The following PHF8 variants were observed in gnomAD, a reference collection of about 807,000 sequenced individuals.
PHF8 encodes PHD finger protein 8.
PHF8 carries 9 observed loss-of-function variants against 74.4 expected under a neutral mutation model. That is an observed-to-expected ratio of 0.12 (90% CI 0.07 to 0.21). PHF8 has a LOEUF of 0.21. PHF8 is among the 10% of genes least tolerant of loss of function. The pLI, the probability that PHF8 is intolerant of heterozygous loss-of-function variation, is 1.00. For synonymous variants in PHF8, 311 were observed against 316.6 expected, an observed-to-expected ratio of 0.98 and a Z score of 0.19; for missense variants, 478 against 816.6, an observed-to-expected ratio of 0.59 and a Z score of 5.05.
chrX:53,993,015 TGTGGTTG>T (rs1166061341), intron 13 of PHF8, 176 bp from the exon 14 acceptor site: 1 of 466,619 alleles, frequency 2.1e-6, no homozygotes, highest in East Asian at 3.8e-5. Flanking sequence ...GTTGAAAATG[TGTGGTTG>T]GTTCAGGGGA....
At chrX:54,016,493 C>CAAAAA in intron 6 of PHF8, 102 bp downstream of exon 6, 1 of 599,924 alleles carries the variant, frequency 1.7e-6, no homozygotes, top group South Asian at 2.5e-5. Context: ...GACTCTGTCT[C>CAAAAA]AAAAAAAAAA....
chrX:54,015,304 C>T (rs1459495842), intron 6 of PHF8, among the ~76,000 whole-genome samples: 1 of 111,123 alleles, frequency 9.0e-6, no homozygotes, highest in African/African-American at 3.3e-5. Flanking sequence ...GCGCCGGGCG[C>T]GGTGGCTCAC....
chrX:54,025,821 C>T (rs1477448708), intron 2 of PHF8, among the ~76,000 whole-genome samples: 1 of 111,156 alleles, frequency 9.0e-6, no homozygotes, highest in African/African-American at 3.3e-5. Flanking sequence ...ACTCTTTATC[C>T]TCATACTTTT....
At chrX:53,979,441 G>C (rs1051552896) in intron 18 of PHF8, among the ~76,000 whole-genome samples, 1 of 111,815 alleles carries the variant, frequency 8.9e-6, no homozygotes, top group Admixed American at 9.5e-5. Context: ...AAAGCAGATT[G>C]AAAATACATC....
chrX:53,967,201 C>T (rs1469242681), intron 18 of PHF8, among the ~76,000 whole-genome samples: 5 of 106,266 alleles, frequency 4.7e-5, no homozygotes, highest in Non-Finnish European at 9.8e-5. Flanking sequence ...CGCCTCTGCC[C>T]GGCCGCCCCT....
intron 18 of PHF8, among the ~76,000 whole-genome samples, chrX:53,968,123 A>AT (rs1315525151): frequency 1.2e-4 from 13 of 109,162 alleles, no homozygotes; most frequent in African/African-American, 4.4e-4. Context: ...AAAAATAAAA[A>AT]TTAAAAAAAA....
chrX:53,975,963 T>C (rs1401248713), intron 18 of PHF8, among the ~76,000 whole-genome samples: 1 of 111,120 alleles, frequency 9.0e-6, no homozygotes, highest in Non-Finnish European at 1.9e-5. Context: ...AAATATCACA[T>C]GTAACCCCAA....
chrX:53,981,400 G>A (rs1452428890), intron 18 of PHF8, among the ~76,000 whole-genome samples: 1 of 111,817 alleles, frequency 8.9e-6, no homozygotes, highest in Admixed American at 9.5e-5. Context: ...AATCACACAA[G>A]TTTGCCTACC....
At chrX:53,996,210 G>A (rs183573781) in intron 11 of PHF8, among the ~76,000 whole-genome samples, 2,987 of 109,710 alleles carry the variant, frequency 0.027, 39 homozygotes, top group Non-Finnish European at 0.04. Context: ...CCCGCCTCCC[G>A]GGTTCAAGCG....
chrX:54,042,801 G>A lies in PHF8; in HGVS notation c.-73C>T. ...CAAGAGGGGCGGGAGGCGGCAGCAC[G>A]CGTCCTCTCTGGACGATAGCTAGGC... On this transcript the variant is annotated 5_prime_UTR_variant, in exon 2 of 22. Transcript: ENST00000338154. 2 of 1,168,224 alleles carry A rather than the reference G, an allele frequency of 1.7e-6. No individual in the cohort carries two copies. Among genetic ancestry groups the A allele is most frequent in the Non-Finnish European group, 2.3e-6 (2 of 870,940 alleles).
chrX:54,032,154 C>T (rs1557112737), intron 2 of PHF8, among the ~76,000 whole-genome samples: 1 of 111,433 alleles, frequency 9.0e-6, no homozygotes, highest in Admixed American at 9.6e-5. Flanking sequence ...GTCCTTACAC[C>T]CTATACCCAT....
At chrX:54,002,925 T>G (rs1394016323) in intron 8 of PHF8, among the ~76,000 whole-genome samples, 3 of 111,673 alleles carry the variant, frequency 2.7e-5, no homozygotes, top group African/African-American at 9.8e-5. Context: ...CTTTGCCTTT[T>G]TCACCCTTAT....
In PHF8 at chrX:54,022,773, G is replaced by T; in HGVS notation, c.169C>A (p.His57Asn). The T allele has an allele frequency of 8.5e-7, 1 of 1,173,855 alleles. No homozygotes were observed. The highest frequency in any genetic ancestry group is 1.2e-6 in the Non-Finnish European group (1 of 861,111). The change falls in exon 3 of 22, where the codon CAT becomes AAT. Residue 57 changes from histidine (H) to asparagine (N), a missense_variant. Transcript: ENST00000338154. ...LYHCPNCEVL[H>N]GPSIMKKRRG... is the part of the protein sequence containing the mutation. ...ATCTACTTACTAATGGAGGGCCCAT[G>T]CAAGACTTCACAGTTGGGGCAGTGG...
At chrX:53,987,345 A>G (rs2065581601) in intron 15 of PHF8, among the ~76,000 whole-genome samples, 182 bp from the exon 16 acceptor site, 1 of 111,978 alleles carries the variant, frequency 8.9e-6, no homozygotes, top group South Asian at 3.7e-4. Context: ...CCTACAGAAC[A>G]TAGTATAGCA....
chrX:54,045,816 G>A, upstream of PHF8, among the ~76,000 whole-genome samples: 1 of 112,302 alleles, frequency 8.9e-6, no homozygotes. Flanking sequence ...AACAGTAAAG[G>A]GTCACAACAT....
intron 2 of PHF8, among the ~76,000 whole-genome samples, chrX:54,034,532 G>C (rs191449748): frequency 5.4e-5 from 6 of 111,719 alleles, no homozygotes; most frequent in Non-Finnish European, 3.8e-5. Flanking sequence ...TATCCTAAAA[G>C]AATGAGTAGG....
At chrX:53,995,651 G>T (rs781793000) in intron 12 of PHF8, 42 bp downstream of exon 12, 2 of 885,089 alleles carry the variant, frequency 2.3e-6, no homozygotes, top group Non-Finnish European at 3.3e-6. Flanking sequence ...GAGCCTCAAG[G>T]CCTTTCCAAA....
intron 14 of PHF8, among the ~76,000 whole-genome samples, chrX:53,991,661 CAAAAAAAAAAAAAA>C (rs1201744328): frequency 5.4e-4 from 9 of 16,756 alleles, no homozygotes; most frequent in African/African-American, 1.8e-3. Context: ...GACTCTGTCT[CAAAAAAAAAAAAAA>C]AAAAAAAAAA....
intron 2 of PHF8, among the ~76,000 whole-genome samples, chrX:54,026,593 GT>G (rs1487875646): frequency 6.3e-5 from 7 of 110,288 alleles, no homozygotes; most frequent in African/African-American, 2.0e-4. Context: ...GTTCCTTAAT[GT>G]TTTTGTTTTG....
Sources: allele counts gnomAD v4.1 joint callset (sites outside exome capture counted in the v4.1 genomes callset), GRCh38; gene constraint gnomAD v4.1.1; transcripts MANE v1.5; gene names NCBI Gene and HGNC (gene_info 2026-07-23, HGNC 2026-07-21).